The following BBX variants were observed in gnomAD, a reference collection of about 807,000 sequenced individuals.
BBX encodes HMG box transcription factor BBX.
BBX carries 30 observed loss-of-function variants against 100.2 expected under a neutral mutation model. The observed-to-expected ratio is 0.30, with a 90% confidence interval of 0.22 to 0.41. The LOEUF (loss-of-function observed/expected upper bound fraction) is 0.41, where lower values mean the gene tolerates loss of function less well. Among genes scored for constraint, BBX ranks in the 10% least tolerant of loss-of-function variants. The pLI, the probability that BBX is intolerant of heterozygous loss-of-function variation, is 1.00. For synonymous variants in BBX, 376 were observed against 388.1 expected (o/e 0.97, Z 0.37); for missense variants, 1,023 against 1,129.8 (o/e 0.91, Z 1.35).
chr3:107,710,697 AATG>A (rs2061661650), intron 4 of BBX, 75 bp downstream of exon 4: 2 of 1,341,444 alleles, frequency 1.5e-6, no homozygotes, highest in African/African-American at 1.5e-5. Flanking sequence ...AGTGAACATG[AATG>A]ATATTACAAA....
intron 2 of BBX, among the ~76,000 whole-genome samples, chr3:107,582,574 G>A (rs1298497659): frequency 2.0e-5 from 3 of 151,858 alleles, no homozygotes; most frequent in African/African-American, 4.8e-5. Context: ...TTGCTTGTTC[G>A]TTTTTAATCA....
intron 17 of BBX, among the ~76,000 whole-genome samples, chr3:107,804,396 C>T (rs1173379496): frequency 1.3e-5 from 2 of 152,174 alleles, no homozygotes; most frequent in African/African-American, 4.8e-5. Flanking sequence ...TTATGCACTA[C>T]AGACCATTGT....
intron 12 of BBX, among the ~76,000 whole-genome samples, chr3:107,777,821 G>C (rs925030862): frequency 1.3e-5 from 2 of 151,964 alleles, no homozygotes; most frequent in African/African-American, 2.4e-5. Context: ...AATGCTTTTT[G>C]TTTGTGTATG....
At chr3:107,802,829 G>T (rs575772165) in intron 17 of BBX, among the ~76,000 whole-genome samples, 1 of 152,032 alleles carries the variant, frequency 6.6e-6, no homozygotes, top group Non-Finnish European at 1.5e-5. Context: ...TTCCAGATAC[G>T]CCAAGCTCTT....
intron 3 of BBX, among the ~76,000 whole-genome samples, chr3:107,693,948 C>T (rs1280468870): frequency 1.3e-5 from 2 of 151,098 alleles, no homozygotes; most frequent in Non-Finnish European, 2.9e-5. Flanking sequence ...GTATTTTATT[C>T]TCTTTGAAGC....
chr3:107,737,486 G>A (rs139802986), intron 7 of BBX, among the ~76,000 whole-genome samples: 4 of 152,294 alleles, frequency 2.6e-5, no homozygotes, highest in African/African-American at 9.6e-5. Context: ...TCAGATTAGT[G>A]GAGAAGATGC....
chr3:107,642,901 G>A (rs1032440845), intron 2 of BBX, among the ~76,000 whole-genome samples: 2 of 152,096 alleles, frequency 1.3e-5, no homozygotes, highest in African/African-American at 4.8e-5. Context: ...ATGAAAATGA[G>A]TTAGTTAAAG....
intron 7 of BBX, among the ~76,000 whole-genome samples, chr3:107,738,028 A>AT (rs1435028340): frequency 2.7e-5 from 4 of 149,528 alleles, no homozygotes; most frequent in Non-Finnish European, 5.9e-5. Flanking sequence ...AAGGTTTCAG[A>AT]TTTTTTTGAG....
chr3:107,581,977 A>G (rs2107551740), intron 2 of BBX, among the ~76,000 whole-genome samples: 1 of 152,232 alleles, frequency 6.6e-6, no homozygotes, highest in Non-Finnish European at 1.5e-5. Context: ...TTTAGTATAT[A>G]ATGTGTATAT....
intron 2 of BBX, among the ~76,000 whole-genome samples, chr3:107,556,655 A>G (rs2050119257): frequency 6.6e-6 from 1 of 152,216 alleles, no homozygotes; most frequent in South Asian, 2.1e-4. Flanking sequence ...TAATCCTAGC[A>G]GGTTACCCAT....
intron 3 of BBX, among the ~76,000 whole-genome samples, chr3:107,700,263 G>C (rs1401261423): frequency 1.3e-5 from 2 of 151,606 alleles, no homozygotes; most frequent in African/African-American, 4.9e-5. Flanking sequence ...GGTGAGGGAA[G>C]GAGTTGACCT....
intron 17 of BBX, among the ~76,000 whole-genome samples, chr3:107,803,986 A>G (rs1199472572): frequency 6.6e-6 from 1 of 151,520 alleles, no homozygotes; most frequent in Non-Finnish European, 1.5e-5. Flanking sequence ...ACTTATTAAA[A>G]TTCTTTTGGG....
Position 107,748,140 on chromosome 3 carries a change from T to G in BBX, c.825+101T>G, listed in dbSNP as rs1045907188. On this transcript the variant is annotated intron_variant, in intron 9 of 17. Coordinates refer to ENST00000325805, the MANE Select transcript of BBX (RefSeq NM_001142568.3). The stretch of plus-strand genomic sequence containing the variant: ...ATGTATAGTGAACTTTAGGCATGCC[T>G]GTTGTCATTATTAACATAATACACA... The G allele has an allele frequency of 4.2e-6, 4 of 944,024 alleles. No individual in the cohort carries two copies. In the African/African-American group the frequency reaches 5.0e-5, roughly 12 times the overall value. 58.5% of individuals were successfully genotyped at this position (944,024 alleles called of 1,614,324 possible). A position where few individuals can be genotyped will look rare whatever the true frequency, so the allele number is the denominator to read the frequency against.
At chr3:107,762,197 T>C (rs756414851) in intron 10 of BBX, among the ~76,000 whole-genome samples, 13 of 152,184 alleles carry the variant, frequency 8.5e-5, no homozygotes, top group Non-Finnish European at 1.9e-4. Context: ...CTTAACCTCT[T>C]TGGGGGAAGA....
chr3:107,683,335 T>G (rs1342536947), intron 3 of BBX, among the ~76,000 whole-genome samples: 1 of 152,132 alleles, frequency 6.6e-6, no homozygotes, highest in Non-Finnish European at 1.5e-5. Context: ...CTTGTACTTT[T>G]TAGAAATAGA....
intron 2 of BBX, among the ~76,000 whole-genome samples, chr3:107,599,990 A>G (rs2053952820): frequency 6.6e-6 from 1 of 152,242 alleles, no homozygotes; most frequent in African/African-American, 2.4e-5. Context: ...ACAGATGGCA[A>G]AAGTAAAAGG....
At chr3:107,752,812 C>G (rs189147074) in intron 9 of BBX, among the ~76,000 whole-genome samples, 1 of 152,302 alleles carries the variant, frequency 6.6e-6, no homozygotes, top group East Asian at 1.9e-4. Context: ...GCCGTATGGC[C>G]CACTAGTGCC....
intron 8 of BBX, among the ~76,000 whole-genome samples, chr3:107,747,577 G>A (rs936302302): frequency 5.3e-5 from 8 of 152,008 alleles, no homozygotes; most frequent in Admixed American, 4.6e-4. Context: ...GAACAGCTTG[G>A]AAGGAGTGGT....
chr3:107,560,855 G>A (rs553468302), intron 2 of BBX, among the ~76,000 whole-genome samples: 86 of 152,298 alleles, frequency 5.6e-4, no homozygotes, highest in Non-Finnish European at 9.1e-4. Context: ...GAGCAATGAG[G>A]AAGTCTAAAA....
Sources: gnomAD v4.1 joint callset for allele counts (sites outside exome capture counted in the v4.1 genomes callset) on GRCh38, gnomAD v4.1.1 for gene constraint, MANE v1.5 for transcripts, NCBI Gene and HGNC (gene_info 2026-07-23, HGNC 2026-07-21) for gene names.